Variants in CIT observed in about 807,000 individuals in gnomAD.
CIT encodes the protein citron Rho-interacting kinase.
In CIT, 79 loss-of-function variants were observed where a neutral mutation model predicts 272.7. The observed-to-expected ratio is 0.29, with a 90% CI of 0.24 to 0.35. CIT has a LOEUF of 0.35. Among genes scored for constraint, CIT ranks in the 10% least tolerant of loss-of-function variants. CIT has a pLI of 1.00. For synonymous variants in CIT, 948 were observed against 995.6 expected (o/e 0.95, Z 0.90); for missense variants, 1,909 against 2,618.3 (o/e 0.73, Z 5.91).
At position 119,697,447 on chromosome 12, in the gene CIT, C is replaced by G. The variant is rs1956288439; in HGVS notation, c.5882+212G>C. 6.6e-6 allele frequency among the ~76,000 whole-genome samples: 1 copy of G among 152,204 alleles called. No homozygotes were observed. Among genetic ancestry groups the G allele is most frequent in the Admixed American group, 6.5e-5 (1 of 15,284 alleles). On this transcript the variant is annotated intron_variant, in intron 46 of 47. Coordinates refer to ENST00000392521, the MANE Select transcript of CIT (RefSeq NM_001206999.2). This position sits in a 1 kb window ranked among gnomAD's most constrained non-coding sequence, Gnocchi z 4.9. The stretch of plus-strand genomic sequence containing the variant: ...CAGGAGAGAAAGATCAGACCTCTCC[C>G]CTCTGACTTTTGCAAGGTGGTATTT...
chr12:119,723,077 T>A (rs778609487), intron 28 of CIT, among the ~76,000 whole-genome samples: 26 of 150,958 alleles, frequency 1.7e-4, no homozygotes, highest in Non-Finnish European at 2.2e-4. Flanking sequence ...AACGAAAATT[T>A]AAAAAAAAAA....
intron 39 of CIT, among the ~76,000 whole-genome samples, chr12:119,709,182 T>C (rs1177285496): frequency 6.6e-6 from 1 of 152,220 alleles, no homozygotes; most frequent in Non-Finnish European, 1.5e-5. Context: ...TGTGAAACTA[T>C]TCTATATGAT....
intron 28 of CIT, among the ~76,000 whole-genome samples, chr12:119,726,156 G>A (rs1313648726): frequency 2.0e-5 from 3 of 152,006 alleles, no homozygotes; most frequent in Non-Finnish European, 4.4e-5. Context: ...ATGTTATTGT[G>A]TAACCACCAC....
intron 4 of CIT, among the ~76,000 whole-genome samples, chr12:119,854,688 C>T (rs185782): frequency 6.6e-6 from 1 of 151,962 alleles, no homozygotes; most frequent in Non-Finnish European, 1.5e-5. Context: ...CGGTGGCTCA[C>T]GCCTGTAATC....
At position 119,752,074 on chromosome 12, in the gene CIT, A is replaced by C. The variant is rs904655; in HGVS notation, c.2880T>G (p.Ala960=). ...KTELEETTAE[A]EEEIQALTAH... The stretch of plus-strand genomic sequence containing the variant: ...CCGTGAGTGCCTGGATCTCCTCTTC[A>C]GCTTCTGCTGTGGTCTCTTCCAGCT... Residue 960 remains alanine, a synonymous_variant, in exon 23 of 48, where the codon GCT becomes GCG. Coordinates refer to ENST00000392521, the MANE Select transcript of CIT (RefSeq NM_001206999.2). 1 of 1,610,586 alleles carries C rather than the reference A, an allele frequency of 6.2e-7. No individual in the cohort carries two copies. The highest frequency in any genetic ancestry group is 1.3e-5 in the African/African-American group (1 of 74,690).
At chr12:119,700,983 G>A in intron 43 of CIT, 158 bp from the exon 44 acceptor site, 1 of 425,892 alleles carries the variant, frequency 2.3e-6, no homozygotes, top group Non-Finnish European at 4.2e-6. Flanking sequence ...CCAGCTCTCA[G>A]CTTTATTAAA....
chr12:119,813,371 C>T (rs1369351880), intron 9 of CIT, among the ~76,000 whole-genome samples: 1 of 152,110 alleles, frequency 6.6e-6, no homozygotes, highest in Non-Finnish European at 1.5e-5. Flanking sequence ...AGTCATGAAC[C>T]ACCTGGGCCT....
chr12:119,736,073 G>A (rs1958736547), intron 24 of CIT, among the ~76,000 whole-genome samples: 1 of 152,190 alleles, frequency 6.6e-6, no homozygotes, highest in Admixed American at 6.5e-5. Flanking sequence ...CTGCTCAGTA[G>A]CAGAATGACT....
chr12:119,764,420 TA>T (rs889561447), intron 19 of CIT, among the ~76,000 whole-genome samples: 2 of 151,676 alleles, frequency 1.3e-5, no homozygotes, highest in Non-Finnish European at 2.9e-5. Context: ...TGTCTAGAAG[TA>T]AAAAATATAA....
rs2137070485 is a variant in CIT, at chr12:119,713,036, A to G, written c.4579+167T>C. 1.5e-6 allele frequency: 1 copy of G among 665,158 alleles called. No homozygotes were observed. Among genetic ancestry groups the G allele is most frequent in the East Asian group, 2.5e-5 (1 of 39,538 alleles). The allele number at this position is 665,158 out of a possible 1,614,324, so 41.2% of individuals were successfully genotyped here. On this transcript the variant is annotated intron_variant, in intron 35 of 47. Transcript: ENST00000392521. The surrounding 1 kb of genome is among the most constrained non-coding windows in gnomAD (Gnocchi z 5.2). The stretch of plus-strand genomic sequence containing the variant: ...TTCAGGGGGGAGACCTATAGATGTG[A>G]GTATCGCACCAATAACCTTTAGAGA...
At position 119,803,268 on chromosome 12, in the gene CIT, A is replaced by T. The variant is rs1966361185; in HGVS notation, c.1233T>A (p.Gly411=). The T allele has an allele frequency of 6.2e-7, 1 of 1,607,264 alleles. No individual in the cohort carries two copies. The highest frequency in any genetic ancestry group is 8.5e-7 in the Non-Finnish European group (1 of 1,177,550). ...AAAACCCCACAAACGGCAGTTCTTC[A>T]CCCGAGAAGCCTGAGGGGCTCAGCT... ...PCQLSPSGFS[G]EELPFVGFSY... is the part of the protein sequence containing the mutation. Residue 411 remains glycine, a synonymous_variant, in exon 10 of 48, where the codon GGT becomes GGA. Coordinates refer to ENST00000392521, the MANE Select transcript of CIT (RefSeq NM_001206999.2).
chr12:119,694,168 T>A lies in CIT; in HGVS notation c.5882+3491A>T, dbSNP rs1053647288. Among the ~76,000 whole-genome samples the A allele has an allele frequency of 6.6e-6, 1 of 152,160 alleles. No homozygotes were observed. Among genetic ancestry groups the A allele is most frequent in the Non-Finnish European group, 1.5e-5 (1 of 68,036 alleles). On this transcript the variant is annotated intron_variant, in intron 46 of 47. Coordinates refer to ENST00000392521, the MANE Select transcript of CIT (RefSeq NM_001206999.2). This position sits in a 1 kb window ranked among gnomAD's most constrained non-coding sequence, Gnocchi z 4.5. ...GGTGGGATGGCAAATGGGAGAAGCC[T>A]TCAGGGCAGAAAACTCCACACTGTC...
intron 46 of CIT, among the ~76,000 whole-genome samples, chr12:119,695,251 T>A (rs2136942251): frequency 6.6e-6 from 1 of 152,256 alleles, no homozygotes; most frequent in Non-Finnish European, 1.5e-5. Flanking sequence ...GGAACCACAG[T>A]AGCTGTGAAA....
chr12:119,702,036 C>T (rs1045906339), intron 41 of CIT, 78 bp from the exon 42 acceptor site: 6 of 1,024,362 alleles, frequency 5.9e-6, no homozygotes, highest in Non-Finnish European at 9.2e-6. Flanking sequence ...CTGCTTCTGC[C>T]TACAGCATCT....
chr12:119,866,225 A>G (rs1259164648), intron 3 of CIT, among the ~76,000 whole-genome samples: 1 of 152,096 alleles, frequency 6.6e-6, no homozygotes, highest in African/African-American at 2.4e-5. Flanking sequence ...ATAGCACCCA[A>G]TGCCCCAGTC....
At chr12:119,869,004 T>C (rs1438098764) in intron 3 of CIT, 56 bp downstream of exon 3, 2 of 1,596,016 alleles carry the variant, frequency 1.3e-6, no homozygotes, top group Non-Finnish European at 1.7e-6. Context: ...GCCTCAAGCA[T>C]CTTTCTAGTT....
intron 46 of CIT, among the ~76,000 whole-genome samples, chr12:119,691,829 A>C (rs1389497618): frequency 6.6e-5 from 10 of 152,184 alleles, no homozygotes; most frequent in Non-Finnish European, 1.0e-4. Context: ...CTCTAAAAGT[A>C]CTAGGGTCCC....
chr12:119,756,730 G>A (rs1390353745), intron 22 of CIT, among the ~76,000 whole-genome samples: 1 of 152,208 alleles, frequency 6.6e-6, no homozygotes, highest in Non-Finnish European at 1.5e-5. Context: ...CAGGTTCCCT[G>A]CCTCCAGCCC....
intron 39 of CIT, among the ~76,000 whole-genome samples, chr12:119,709,548 C>T (rs75834593): frequency 0.14 from 20,758 of 152,090 alleles, 3,309 homozygotes; most frequent in African/African-American, 0.39. Context: ...TGTCAGTCCC[C>T]GGATCCAGCC....
Sources: gnomAD v4.1 joint callset for allele counts (sites outside exome capture counted in the v4.1 genomes callset) on GRCh38, gnomAD v4.1.1 for gene constraint, Gnocchi (gnomAD v3.1) non-coding constraint, MANE v1.5 for transcripts, NCBI Gene and HGNC (gene_info 2026-07-23, HGNC 2026-07-21) for gene names.